The following PTPN13 variants were observed in gnomAD, a reference collection of about 807,000 sequenced individuals.
The protein encoded by PTPN13 is tyrosine-protein phosphatase non-receptor type 13.
Under a neutral mutation model 284.0 loss-of-function variants are expected in PTPN13, and 191 were observed. The ratio of observed to expected loss-of-function variants is 0.67; its 90% CI spans 0.60 to 0.76. The LOEUF is 0.76. Ranked by LOEUF, PTPN13 falls within the 30% of genes least tolerant of loss-of-function variation. The pLI is 0.00. For missense variants in PTPN13, 2,797 were observed against 2,939.9 expected (o/e 0.95, Z 1.12); for synonymous variants, 986 against 1,022.3 (o/e 0.96, Z 0.68).
Position 86,766,504 on chromosome 4 carries a change from G to C in PTPN13, c.4316G>C (p.Arg1439Thr). The change falls in exon 27 of 48, where the codon AGA (arginine) becomes ACA (threonine). Residue 1439 changes from arginine to threonine, a missense_variant. Coordinates refer to ENST00000411767, the MANE Select transcript of PTPN13 (RefSeq NM_080683.3). ...ATHKQAVETL[R>T]NTGQVVHLLL... is the part of the protein sequence containing the mutation. Reference sequence around the variant, plus strand: ...CATAAGCAAGCTGTGGAAACACTGAGAAATACAGGACAGGTAACAGATCAT... The same window carrying C: ...CATAAGCAAGCTGTGGAAACACTGACAAATACAGGACAGGTAACAGATCAT... The C allele has an allele frequency of 6.2e-7, 1 of 1,606,628 alleles. No homozygotes were observed. The highest frequency in any genetic ancestry group is 8.5e-7 in the Non-Finnish European group (1 of 1,177,006).
At position 86,622,424 on chromosome 4, in the gene PTPN13, G is replaced by A. The variant is rs140584162; in HGVS notation, c.-5-12828G>A. On this transcript the variant is annotated intron_variant, in intron 1 of 47. Coordinates refer to ENST00000411767, the MANE Select transcript of PTPN13 (RefSeq NM_080683.3). ...AAAGCCCCTTTTAATGTATGTTAACGAAGGGTAGTAAAACTTTACCTATTT... is the reference window on the plus strand; with the variant it reads ...AAAGCCCCTTTTAATGTATGTTAACAAAGGGTAGTAAAACTTTACCTATTT... 8.9e-3 allele frequency among the ~76,000 whole-genome samples: 1,360 copies of A among 152,202 alleles called. 6 individuals are homozygous for A. The highest frequency in any genetic ancestry group is 0.013 in the Non-Finnish European group (917 of 68,000).
Position 86,769,808 on chromosome 4 carries a change from G to T in PTPN13, c.4529G>T (p.Gly1510Val), listed in dbSNP as rs1739772010. 2 of 1,612,624 alleles carry T rather than the reference G, an allele frequency of 1.2e-6. No individual in the cohort carries two copies. Among genetic ancestry groups the T allele is most frequent in the South Asian group, 2.2e-5 (2 of 91,018 alleles). The change falls in exon 29 of 48, where the codon GGT (glycine) becomes GTT (valine). Residue 1510 changes from glycine to valine, a missense_variant. Coordinates refer to ENST00000411767, the MANE Select transcript of PTPN13 (RefSeq NM_080683.3). Reference protein sequence around the residue: ...FEVKLFKNSSGLGFSFSREDN... With the variant: ...FEVKLFKNSSVLGFSFSREDN... ...GTAAAATTATTTAAAAATAGCTCAG[G>T]TCTAGGATTCAGTTTTTCTCGAGAA...
intron 27 of PTPN13, 87 bp downstream of exon 27, chr4:86,766,604 A>G (rs1162293403): frequency 5.2e-6 from 5 of 960,846 alleles, no homozygotes; most frequent in Non-Finnish European, 7.4e-6. Flanking sequence ...GAGATCTCTA[A>G]ATTTGTCAGC....
At chr4:86,779,528 T>C (rs1465520226) in intron 35 of PTPN13, among the ~76,000 whole-genome samples, 2 of 152,168 alleles carry the variant, frequency 1.3e-5, no homozygotes, top group East Asian at 3.8e-4. Flanking sequence ...CACCATTTTG[T>C]AGCAGTCTGT....
At chr4:86,648,460 A>C (rs1310911708) in intron 2 of PTPN13, among the ~76,000 whole-genome samples, 1 of 152,102 alleles carries the variant, frequency 6.6e-6, no homozygotes, top group Non-Finnish European at 1.5e-5. Flanking sequence ...GCTCCCGCCT[A>C]TGAGTGAGAA....
chr4:86,687,617 CTTTG>C (rs565258269), intron 4 of PTPN13, among the ~76,000 whole-genome samples: 30 of 152,090 alleles, frequency 2.0e-4, no homozygotes, highest in South Asian at 1.2e-3. Context: ...ATATTCTTCA[CTTTG>C]TTTGGTTTTA....
chr4:86,599,963 C>T (rs547119645), intron 1 of PTPN13, among the ~76,000 whole-genome samples: 1 of 152,242 alleles, frequency 6.6e-6, no homozygotes, highest in Non-Finnish European at 1.5e-5. Flanking sequence ...AAATAGTCAT[C>T]ATTTCAACAC....
intron 6 of PTPN13, 70 bp downstream of exon 6, chr4:86,693,744 T>A (rs2148977139): frequency 1.8e-6 from 2 of 1,118,576 alleles, no homozygotes; most frequent in East Asian, 5.4e-5. Context: ...AAAATTATAC[T>A]TACCTGGCTT....
In PTPN13 at chr4:86,785,372, C is replaced by T. The variant is rs746413654; in HGVS notation, c.6256+4C>T. 15 of 1,606,758 alleles carry T rather than the reference C, an allele frequency of 9.3e-6. No homozygotes were observed. Among genetic ancestry groups the T allele is most frequent in the East Asian group, 2.2e-5 (1 of 44,638 alleles). ...GCAGGATACTCCTGTGGTCCAGGTA[C>T]GTGAACCAGATGAATAAATTGGTAT... On this transcript the variant is annotated splice_donor_region_variant and intron_variant, in intron 39 of 47. Coordinates refer to ENST00000411767, the MANE Select transcript of PTPN13 (RefSeq NM_080683.3).
chr4:86,623,816 A>G (rs1344413449), intron 1 of PTPN13, among the ~76,000 whole-genome samples: 4 of 152,056 alleles, frequency 2.6e-5, no homozygotes, highest in African/African-American at 9.7e-5. Context: ...TGATTGTTAT[A>G]TTTTAAATGT....
At position 86,612,709 on chromosome 4, in the gene PTPN13, C is replaced by T. The variant is rs148902190; in HGVS notation, c.-6+17920C>T. On this transcript the variant is annotated intron_variant, in intron 1 of 47. Transcript: ENST00000411767. ...AAAAAAAGCCAAAGAAAAAGGCAAG[C>T]GAGCATGTGGGACAGAGAGAGGAAA... Among the ~76,000 whole-genome samples, 42 of 152,056 alleles carry T rather than the reference C, an allele frequency of 2.8e-4. 1 individual carries two copies. The East Asian group carries it at 7.9e-3, about 29-fold the overall frequency.
chr4:86,763,767 C>A (rs1238177021), intron 24 of PTPN13, among the ~76,000 whole-genome samples: 2 of 151,968 alleles, frequency 1.3e-5, no homozygotes, highest in Non-Finnish European at 2.9e-5. Context: ...AAAAAATTAT[C>A]CAGGCAAGGT....
chr4:86,762,754 A>G lies in PTPN13; in HGVS notation c.3581A>G (p.Asn1194Ser), dbSNP rs375874039. 17 of 1,603,044 alleles carry G rather than the reference A, an allele frequency of 1.1e-5. No individual in the cohort carries two copies. Among genetic ancestry groups the G allele is most frequent in the Non-Finnish European group, 1.4e-5 (16 of 1,170,642 alleles). The change falls in exon 24 of 48, where the codon AAT becomes AGT. Residue 1194 changes from asparagine to serine, a missense_variant. Coordinates refer to ENST00000411767, the MANE Select transcript of PTPN13 (RefSeq NM_080683.3). ...CCTTCTACTCCTGTGCATCTCACCA[A>G]TGAGATGAAAAACTACATGAAGAAA... ...KVPSTPVHLT[N>S]EMKNYMKKSS... is the part of the protein sequence containing the mutation.
At chr4:86,710,197 A>G (rs1732234635) in intron 7 of PTPN13, among the ~76,000 whole-genome samples, 1 of 152,186 alleles carries the variant, frequency 6.6e-6, no homozygotes, top group Non-Finnish European at 1.5e-5. Flanking sequence ...TAGGACCCAT[A>G]TCTTTAAAAA....
intron 45 of PTPN13, 144 bp downstream of exon 45, chr4:86,808,041 C>G: frequency 1.4e-6 from 1 of 711,428 alleles, no homozygotes; most frequent in South Asian, 2.2e-5. Context: ...CTAATGCTAG[C>G]TATTTTTTCT....
chr4:86,676,281 G>A (rs1330359409), intron 3 of PTPN13, among the ~76,000 whole-genome samples: 1 of 152,142 alleles, frequency 6.6e-6, no homozygotes, highest in Non-Finnish European at 1.5e-5. Context: ...TAATTAAATT[G>A]AAAATGTTAA....
chr4:86,751,078 A>G lies in PTPN13; in HGVS notation c.3120A>G (p.Glu1040=), dbSNP rs184233195. 54 of 1,610,128 alleles carry G rather than the reference A, an allele frequency of 3.4e-5. No homozygotes were observed. The East Asian group carries it at 1.0e-3, about 30-fold the overall frequency. ...LNRSPERRKH[E]SDSSSIEDPG... is the part of the protein sequence containing the mutation. ...GAAGTCCTGAAAGGAGGAAACATGA[A>G]TCAGACTCCTCATCCATTGAAGACC... Residue 1040 remains glutamate, a synonymous_variant, in exon 19 of 48, where the codon GAA becomes GAG. Transcript: ENST00000411767.
At chr4:86,743,191 T>C (rs529049051) in intron 16 of PTPN13, among the ~76,000 whole-genome samples, 1 of 152,320 alleles carries the variant, frequency 6.6e-6, no homozygotes, top group South Asian at 2.1e-4. Context: ...ATATTCTTTG[T>C]ATGTGTTTCA....
chr4:86,760,986 T>C (rs1738600613), intron 23 of PTPN13, among the ~76,000 whole-genome samples: 1 of 151,684 alleles, frequency 6.6e-6, no homozygotes, highest in Non-Finnish European at 1.5e-5. Context: ...AGTTACAGAA[T>C]ACATACTAGT....
Sources: gnomAD v4.1 joint callset for allele counts (sites outside exome capture counted in the v4.1 genomes callset) on GRCh38, gnomAD v4.1.1 for gene constraint, MANE v1.5 for transcripts, NCBI Gene and HGNC (gene_info 2026-07-23, HGNC 2026-07-21) for gene names.